ARHGEF38: variants seen among roughly 807,000 people sequenced by gnomAD.
ARHGEF38 encodes the protein Rho guanine nucleotide exchange factor 38, also known as Rho guanine nucleotide exchange factor (GEF) 38.
Under a neutral mutation model 79.9 loss-of-function variants are expected in ARHGEF38, and 79 were observed. The observed-to-expected ratio is 0.99, with a 90% CI of 0.82 to 1.19. ARHGEF38 has a LOEUF of 1.19. ARHGEF38 is among the 50% of genes most tolerant of loss of function. ARHGEF38 has a pLI of 0.00. For synonymous variants in ARHGEF38, 366 were observed against 328.3 expected (o/e 1.11, Z -1.24); for missense variants, 962 against 907.2 (o/e 1.06, Z -0.78).
Position 105,648,683 on chromosome 4 carries a change from G to A in ARHGEF38, c.1008+1G>A. 6.6e-7 allele frequency: 1 copy of A among 1,506,090 alleles called. No individual in the cohort carries two copies. The highest frequency in any genetic ancestry group is 1.4e-5 in the African/African-American group (1 of 71,430). 93.3% of individuals were successfully genotyped at this position (1,506,090 alleles called of 1,614,324 possible). ...GATTCTGACCAGAGGAGAATCACAG[G>A]TAATTTTTCTTCTTGGACCACCCAC... On this transcript the variant is annotated splice_donor_variant, in intron 7 of 13. Coordinates refer to ENST00000420470, the MANE Select transcript of ARHGEF38 (RefSeq NM_001242729.2). LOFTEE classifies it high-confidence loss of function.
chr4:105,680,715 G>A lies in ARHGEF38; in HGVS notation c.*2778G>A, dbSNP rs888360852. 8 of 152,102 alleles carry A rather than the reference G, an allele frequency of 5.3e-5. No individual in the cohort carries two copies. Among genetic ancestry groups the A allele is most frequent in the African/African-American group, 1.9e-4 (8 of 41,416 alleles). 9.4% of individuals were successfully genotyped at this position (152,102 alleles called of 1,614,324 possible). A position where few individuals can be genotyped will look rare whatever the true frequency, so the allele number is the denominator to read the frequency against. ...ATATGTACATAACCTAAATATACGT[G>A]TGCACACATTATCTATACAAAGAGC... On this transcript the variant is annotated 3_prime_UTR_variant, in exon 14 of 14. Transcript: ENST00000420470.
chr4:105,616,294 A>G (rs1214138456), intron 3 of ARHGEF38, among the ~76,000 whole-genome samples: 1 of 152,220 alleles, frequency 6.6e-6, no homozygotes, highest in Non-Finnish European at 1.5e-5. Flanking sequence ...TCACACTGCT[A>G]TAAAGAACTA....
intron 1 of ARHGEF38, among the ~76,000 whole-genome samples, chr4:105,574,603 G>C (rs974559228): frequency 6.7e-6 from 1 of 149,624 alleles, no homozygotes; most frequent in Non-Finnish European, 1.5e-5. Flanking sequence ...TCTTGTTTCT[G>C]ATCTTAGAAG....
intron 1 of ARHGEF38, among the ~76,000 whole-genome samples, chr4:105,576,046 A>G (rs1056290170): frequency 5.9e-5 from 9 of 152,172 alleles, no homozygotes; most frequent in Admixed American, 2.0e-4. Flanking sequence ...TTTGGTAACT[A>G]CAGCCTTGTA....
chr4:105,573,239 A>T (rs1032989673), intron 1 of ARHGEF38, among the ~76,000 whole-genome samples: 1 of 152,152 alleles, frequency 6.6e-6, no homozygotes, highest in Non-Finnish European at 1.5e-5. Flanking sequence ...TAAAATTTTC[A>T]TAAGTCCAAC....
chr4:105,591,315 G>A (rs146661933), intron 2 of ARHGEF38, among the ~76,000 whole-genome samples: 11,249 of 152,100 alleles, frequency 0.074, 444 homozygotes, highest in Admixed American at 0.091. Flanking sequence ...TGCAAGCTCC[G>A]CCTCCCGGGT....
Position 105,678,078 on chromosome 4 carries a change from T to C in ARHGEF38, c.*141T>C. 1 of 585,590 alleles carries C rather than the reference T, an allele frequency of 1.7e-6. No individual in the cohort carries two copies. The highest frequency in any genetic ancestry group is 3.8e-5 in the South Asian group (1 of 26,266). The allele number at this position is 585,590 out of a possible 1,614,324, so 36.3% of individuals were successfully genotyped here. On this transcript the variant is annotated 3_prime_UTR_variant, in exon 14 of 14. Transcript: ENST00000420470. ...TACTGTACTGGGTTTTCAGGAATAC[T>C]GTACTTCCTAACAGGATTATTGCAT...
In ARHGEF38 at chr4:105,679,709, T is replaced by C; in HGVS notation, c.*1772T>C. On this transcript the variant is annotated 3_prime_UTR_variant, in exon 14 of 14. Coordinates refer to ENST00000420470, the MANE Select transcript of ARHGEF38 (RefSeq NM_001242729.2). ...GAAGGAACACCTACACATTTAAAAG[T>C]AATTTGTGTTTTTTGTTCCACATGT... 1 of 801,706 alleles carries C rather than the reference T, an allele frequency of 1.2e-6. No individual in the cohort carries two copies. Among genetic ancestry groups the C allele is most frequent in the Non-Finnish European group, 2.2e-6 (1 of 447,398 alleles). The allele number at this position is 801,706 out of a possible 1,614,324, so 49.7% of individuals were successfully genotyped here.
rs910804558 is a variant in ARHGEF38 at position 105,599,533 on chromosome 4, A to G, written c.384+10098A>G. On this transcript the variant is annotated intron_variant, in intron 2 of 13. Coordinates refer to ENST00000420470, the MANE Select transcript of ARHGEF38 (RefSeq NM_001242729.2). ...GAATGGAGATGATGCATAAACCACA[A>G]TTTTAATTTGCTTTTTTTTGTGCAT... 4.6e-5 allele frequency among the ~76,000 whole-genome samples: 7 copies of G among 152,126 alleles called. 1 individual carries two copies. Among genetic ancestry groups the G allele is most frequent in the Admixed American group, 2.0e-4 (3 of 15,252 alleles).
intron 2 of ARHGEF38, among the ~76,000 whole-genome samples, chr4:105,606,844 C>G (rs916515449): frequency 6.6e-6 from 1 of 152,212 alleles, no homozygotes; most frequent in Admixed American, 6.6e-5. Context: ...AAAAACATAT[C>G]TGAAAACATT....
At chr4:105,638,361 CA>C (rs1227265153) in intron 5 of ARHGEF38, among the ~76,000 whole-genome samples, 1 of 151,792 alleles carries the variant, frequency 6.6e-6, no homozygotes, top group Non-Finnish European at 1.5e-5. Context: ...CCACTAAAAG[CA>C]AGAAAAAAAT....
intron 1 of ARHGEF38, among the ~76,000 whole-genome samples, chr4:105,562,307 G>C (rs1354066347): frequency 6.6e-6 from 1 of 151,916 alleles, no homozygotes; most frequent in Non-Finnish European, 1.5e-5. Context: ...ATTCTCCTTG[G>C]GGAAAAAGAC....
At chr4:105,622,477 G>C (rs1056810176) in intron 3 of ARHGEF38, among the ~76,000 whole-genome samples, 5 of 152,162 alleles carry the variant, frequency 3.3e-5, no homozygotes, top group Admixed American at 1.3e-4. Context: ...ACAGATCCAA[G>C]TCTTAATCCT....
intron 2 of ARHGEF38, among the ~76,000 whole-genome samples, chr4:105,597,168 C>G (rs146345595): frequency 1.3e-5 from 2 of 151,846 alleles, no homozygotes; most frequent in African/African-American, 4.8e-5. Context: ...ATAAAAGGAC[C>G]AAGGCAAAAA....
At chr4:105,668,697 GATA>G (rs1266998894) in intron 13 of ARHGEF38, among the ~76,000 whole-genome samples, 1 of 151,216 alleles carries the variant, frequency 6.6e-6, no homozygotes, top group African/African-American at 2.4e-5. Flanking sequence ...TAGATAGATA[GATA>G]GATAGATGAT....
intron 2 of ARHGEF38, among the ~76,000 whole-genome samples, chr4:105,598,617 G>A (rs1727687798): frequency 6.6e-6 from 1 of 151,884 alleles, no homozygotes; most frequent in Non-Finnish European, 1.5e-5. Context: ...TTTTCATGAA[G>A]AATAAGATAC....
At chr4:105,632,916 C>A (rs929492195) in intron 4 of ARHGEF38, 1 of 152,620 alleles carries the variant, frequency 6.6e-6, no homozygotes, top group Non-Finnish European at 1.5e-5. Flanking sequence ...ACAGACCCTG[C>A]CAGAAGATTC....
At chr4:105,658,227 G>T (rs1578354989) in intron 9 of ARHGEF38, among the ~76,000 whole-genome samples, 1 of 152,142 alleles carries the variant, frequency 6.6e-6, no homozygotes, top group Non-Finnish European at 1.5e-5. Context: ...GGGCAATAGA[G>T]TGAGACCGTA....
At chr4:105,640,917 T>C (rs1350354681) in intron 5 of ARHGEF38, among the ~76,000 whole-genome samples, 1 of 152,134 alleles carries the variant, frequency 6.6e-6, no homozygotes, top group Non-Finnish European at 1.5e-5. Context: ...AGTCTTCTTT[T>C]TGTCCTTAGC....
Sources: gnomAD v4.1 joint callset for allele counts (sites outside exome capture counted in the v4.1 genomes callset) on GRCh38, gnomAD v4.1.1 for gene constraint, MANE v1.5 for transcripts, NCBI Gene and HGNC (gene_info 2026-07-23, HGNC 2026-07-21) for gene names.